The following ZNF343 variants were observed in gnomAD, a reference collection of about 807,000 sequenced individuals.
ZNF343 encodes zinc finger protein 343.
In ZNF343, 11 loss-of-function variants were observed where a neutral mutation model predicts 13.8. That is an observed-to-expected ratio of 0.80 (90% CI 0.50 to 1.32). ZNF343 has a LOEUF of 1.32. ZNF343 is among the 40% of genes most tolerant of loss of function. The pLI is 0.00. For missense variants in ZNF343, 658 were observed against 714.2 expected, an observed-to-expected ratio of 0.92 and a Z score of 0.90; for synonymous variants, 248 against 260.0, an observed-to-expected ratio of 0.95 and a Z score of 0.44.
chr20:2,496,538 A>G (rs2085461972), intron 2 of ZNF343, among the ~76,000 whole-genome samples: 1 of 152,188 alleles, frequency 6.6e-6, no homozygotes, highest in African/African-American at 2.4e-5. Flanking sequence ...TTACATTTTA[A>G]AAGATGTCTC....
chr20:2,487,048 C>T (rs2085292382), intron 5 of ZNF343, among the ~76,000 whole-genome samples: 1 of 152,176 alleles, frequency 6.6e-6, no homozygotes, highest in Non-Finnish European at 1.5e-5. Context: ...GGCAGTGAGA[C>T]AGATTTGGCC....
rs961217698 is a variant in ZNF343 at position 2,493,477 on chromosome 20, G to A, written c.177+42C>T. 18 of 1,559,506 alleles carry A rather than the reference G, an allele frequency of 1.2e-5. No individual in the cohort carries two copies. In the East Asian group the frequency reaches 3.4e-4, roughly 29 times the overall value. On this transcript the variant is annotated intron_variant, in intron 4 of 5. Coordinates refer to ENST00000278772, the MANE Select transcript of ZNF343 (RefSeq NM_024325.6). ...TATATGTCTATTCTCTGGAAAATGA[G>A]CCAGCACTTCAGGAAAAAAAAAAAA...
Position 2,493,622 on chromosome 20 carries a change from C to T in ZNF343, c.119-45G>A, listed in dbSNP as rs755038090. The T allele has an allele frequency of 1.5e-5, 14 of 905,188 alleles. 1 individual carries two copies. Among genetic ancestry groups the T allele is most frequent in the East Asian group, 1.0e-4 (2 of 19,266 alleles). The allele number at this position is 905,188 out of a possible 1,614,324, so 56.1% of individuals were successfully genotyped here. A position where few individuals can be genotyped will look rare whatever the true frequency, so the allele number is the denominator to read the frequency against. The stretch of plus-strand genomic sequence containing the variant: ...CTATGAGAAACCAGACCCCCCCACC[C>T]CCCACCCCCCACCATGACGCTCCCT... On this transcript the variant is annotated intron_variant, in intron 3 of 5. Coordinates refer to ENST00000278772, the MANE Select transcript of ZNF343 (RefSeq NM_024325.6).
At position 2,491,573 on chromosome 20, in the gene ZNF343, G is replaced by GA. The variant is rs1000471851; in HGVS notation, c.304+1125dup. On this transcript the variant is annotated intron_variant, in intron 5 of 5. Transcript: ENST00000278772. ...TGGTTTTTACATTTTTAAATGGCTA[G>GA]AAAAAAGTAAAAAGAGTAGTAATAT... is the stretch of plus-strand genomic sequence containing the variant. Among the ~76,000 whole-genome samples the GA allele has an allele frequency of 2.7e-3, 408 of 152,074 alleles. 1 individual carries two copies. The highest frequency in any genetic ancestry group is 9.2e-3 in the African/African-American group (380 of 41,512).
chr20:2,509,841 G>A (rs142091006), upstream of ZNF343, among the ~76,000 whole-genome samples: 1,251 of 152,258 alleles, frequency 8.2e-3, 3 homozygotes, highest in Middle Eastern at 0.048. Context: ...TACTGAAGGG[G>A]AAATAAACCT....
chr20:2,524,940 A>G (rs371335841), upstream of ZNF343, among the ~76,000 whole-genome samples: 1 of 152,054 alleles, frequency 6.6e-6, no homozygotes, highest in Non-Finnish European at 1.5e-5. Flanking sequence ...CCGGCTCTCC[A>G]TTCGAAAGCG....
intron 5 of ZNF343, among the ~76,000 whole-genome samples, chr20:2,484,935 T>C (rs531061704): frequency 3.4e-4 from 51 of 152,140 alleles, no homozygotes; most frequent in Non-Finnish European, 6.9e-4. Context: ...TCCTAAGCCA[T>C]AGACATTCAC....
At chr20:2,490,378 G>A (rs142894818) in intron 5 of ZNF343, among the ~76,000 whole-genome samples, 135 of 152,308 alleles carry the variant, frequency 8.9e-4, no homozygotes, top group African/African-American at 3.0e-3. Flanking sequence ...TCAGAGGCTG[G>A]AGACTGCGGA....
At chr20:2,515,833 G>T (rs965104178) in intron 1 of ZNF343, among the ~76,000 whole-genome samples, 1 of 152,172 alleles carries the variant, frequency 6.6e-6, no homozygotes, top group Non-Finnish European at 1.5e-5. Flanking sequence ...ACAGGCTCAG[G>T]TGATGGTACC....
chr20:2,508,455 G>A lies in ZNF343; in HGVS notation c.-237+426C>T, dbSNP rs1184473399. Among the ~76,000 whole-genome samples, 4 of 152,100 alleles carry A rather than the reference G, an allele frequency of 2.6e-5. No individual in the cohort carries two copies. The highest frequency in any genetic ancestry group is 2.1e-4 in the South Asian group (1 of 4,818). On this transcript the variant is annotated intron_variant, in intron 1 of 5. Transcript: ENST00000278772. This position sits in a 1 kb window ranked among gnomAD's most constrained non-coding sequence, Gnocchi z 4.5. ...GCCAAAAACCACCCAGGGATGTGCG[G>A]ACCTAGCCACGTCCCCACCCCAGCC...
chr20:2,493,088 T>C (rs1023945513), intron 4 of ZNF343: 4 of 512,594 alleles, frequency 7.8e-6, no homozygotes, highest in African/African-American at 5.9e-5. Context: ...GTGAATTAAT[T>C]TGTAAACCTC....
At chr20:2,496,749 C>A (rs911332666) in intron 2 of ZNF343, among the ~76,000 whole-genome samples, 2 of 152,154 alleles carry the variant, frequency 1.3e-5, no homozygotes, top group Non-Finnish European at 2.9e-5. Context: ...AAATCAAAGA[C>A]AATTCTAGTA....
intron 1 of ZNF343, among the ~76,000 whole-genome samples, chr20:2,517,377 T>C (rs73085371): frequency 9.6e-6 from 1 of 104,022 alleles, no homozygotes; most frequent in Admixed American, 9.3e-5. Context: ...TATATATATA[T>C]ACACACATAT....
chr20:2,523,677 CTT>C (rs3051730), intron 1 of ZNF343, among the ~76,000 whole-genome samples: 13 of 102,792 alleles, frequency 1.3e-4, no homozygotes, highest in South Asian at 9.9e-4. Context: ...GCTATGTGTA[CTT>C]TTTTTTTTTT....
Position 2,493,874 on chromosome 20 carries a change from C to G in ZNF343, c.22G>C (p.Ala8Pro), listed in dbSNP as rs1227947056. ...TCTTCCCAGTATTGATCTCCCAGTG[C>G]TGAAGGATAAGGCAACATCATGGCG... MMLPYPS[A>P]LGDQYWEEIL... The change falls in exon 3 of 6, where the codon GCA (alanine) becomes CCA (proline). Residue 8 changes from alanine (A) to proline (P), a missense_variant. Ala to Pro is a conservative substitution (Grantham distance 27, BLOSUM62 -1). Coordinates refer to ENST00000278772, the MANE Select transcript of ZNF343 (RefSeq NM_024325.6). The G allele has an allele frequency of 6.2e-7, 1 of 1,613,866 alleles. No individual in the cohort carries two copies. The highest frequency in any genetic ancestry group is 1.1e-5 in the South Asian group (1 of 91,080).
At chr20:2,507,523 C>T (rs1218507942) in intron 1 of ZNF343, among the ~76,000 whole-genome samples, 1 of 152,168 alleles carries the variant, frequency 6.6e-6, no homozygotes, top group East Asian at 1.9e-4. Context: ...AGACACCATG[C>T]AAGTTTTACC....
upstream of ZNF343, among the ~76,000 whole-genome samples, chr20:2,513,062 T>G (rs980317537): frequency 6.6e-6 from 1 of 152,092 alleles, no homozygotes; most frequent in Non-Finnish European, 1.5e-5. Context: ...ATTGTACCAC[T>G]GCACTCCAGC....
At chr20:2,510,674 A>C (rs1398686202), upstream of ZNF343, among the ~76,000 whole-genome samples, 8 of 152,172 alleles carry the variant, frequency 5.3e-5, no homozygotes, top group African/African-American at 1.9e-4. Flanking sequence ...ACTGGGCAGA[A>C]TCTGTTACTG....
chr20:2,502,358 G>A (rs2085583040), intron 1 of ZNF343, among the ~76,000 whole-genome samples: 1 of 152,202 alleles, frequency 6.6e-6, no homozygotes, highest in South Asian at 2.1e-4. Flanking sequence ...AAAGTGATGG[G>A]GAGAATGGAA....
Sources: gnomAD v4.1 joint callset for allele counts (sites outside exome capture counted in the v4.1 genomes callset) on GRCh38, gnomAD v4.1.1 for gene constraint, Gnocchi (gnomAD v3.1) non-coding constraint, MANE v1.5 for transcripts, NCBI Gene and HGNC (gene_info 2026-07-23, HGNC 2026-07-21) for gene names.